The following KIRREL3 variants were observed in gnomAD, a reference collection of about 807,000 sequenced individuals.
KIRREL3 encodes kin of IRRE-like protein 3.
A neutral mutation model predicts 89.7 loss-of-function variants in KIRREL3; 36 were observed. The ratio of observed to expected loss-of-function variants is 0.40; its 90% CI spans 0.31 to 0.53. The LOEUF (loss-of-function observed/expected upper bound fraction) is 0.53. Among genes scored for constraint, KIRREL3 ranks in the 20% least tolerant of loss-of-function variants. KIRREL3 has a pLI of 0.49. For missense variants in KIRREL3, 864 were observed against 1,056.6 expected (o/e 0.82, Z 2.53); for synonymous variants, 445 against 441.4 (o/e 1.01, Z -0.10).
rs542918101 is a variant in KIRREL3, at chr11:126,981,040, C to T, written c.55+19415G>A. The stretch of plus-strand genomic sequence containing the variant: ...AGATGGTATACTTAGATCTCTGTAC[C>T]GTGGACTATCATTATTCAATTTAAA... On this transcript the variant is annotated intron_variant, in intron 1 of 16. Transcript: ENST00000525144. This position sits in a 1 kb window ranked among gnomAD's most constrained non-coding sequence, Gnocchi z 4.2. 3.3e-5 allele frequency among the ~76,000 whole-genome samples: 5 copies of T among 152,236 alleles called. No individual in the cohort carries two copies. In the South Asian group the frequency reaches 6.2e-4, roughly 19 times the overall value.
intron 9 of KIRREL3, among the ~76,000 whole-genome samples, chr11:126,445,405 C>T (rs1030482971): frequency 2.6e-5 from 4 of 152,182 alleles, no homozygotes; most frequent in African/African-American, 7.2e-5. Context: ...GAGGGGGATG[C>T]CTGCCTGGGG....
At chr11:126,510,120 G>A (rs972811126) in intron 4 of KIRREL3, among the ~76,000 whole-genome samples, 4 of 151,924 alleles carry the variant, frequency 2.6e-5, no homozygotes, top group Admixed American at 6.6e-5. Flanking sequence ...TCTGGGCAGA[G>A]CCTGCAACAA....
rs1944662532 is a variant in KIRREL3 at position 126,860,240 on chromosome 11, A to G, written c.55+140215T>C. ...GGGAATATAAAAGATAAGTTCTCCAACACCACACTGTGAGCTCCCAGAGGG... is the reference window on the plus strand; with the variant it reads ...GGGAATATAAAAGATAAGTTCTCCAGCACCACACTGTGAGCTCCCAGAGGG... On this transcript the variant is annotated intron_variant, in intron 1 of 16. Transcript: ENST00000525144. The surrounding 1 kb of genome is among the most constrained non-coding windows in gnomAD (Gnocchi z 4.6). 6.6e-6 allele frequency among the ~76,000 whole-genome samples: 1 copy of G among 152,196 alleles called. No homozygotes were observed. The highest frequency in any genetic ancestry group is 2.4e-5 in the African/African-American group (1 of 41,434).
rs1388116969 is a variant in KIRREL3, at chr11:126,641,833, G to A, written c.56-78921C>T. ...TAAATCCAATTCCATCTAAAACCAC[G>A]TAATACTCACTGAGGTTCCCACCAC... is the stretch of plus-strand genomic sequence containing the variant. On this transcript the variant is annotated intron_variant, in intron 1 of 16. Coordinates refer to ENST00000525144, the MANE Select transcript of KIRREL3 (RefSeq NM_032531.4). This position sits in a 1 kb window ranked among gnomAD's most constrained non-coding sequence, Gnocchi z 5.0. Among the ~76,000 whole-genome samples the A allele has an allele frequency of 1.3e-5, 2 of 152,086 alleles. No individual in the cohort carries two copies. The highest frequency in any genetic ancestry group is 2.1e-4 in the South Asian group (1 of 4,820).
At position 126,747,394 on chromosome 11, in the gene KIRREL3, C is replaced by A. The variant is rs944474966; in HGVS notation, c.56-184482G>T. On this transcript the variant is annotated intron_variant, in intron 1 of 16. Coordinates refer to ENST00000525144, the MANE Select transcript of KIRREL3 (RefSeq NM_032531.4). The surrounding 1 kb of genome is among the most constrained non-coding windows in gnomAD (Gnocchi z 4.7). ...CTAGTACCGTCGTCCCATGCTCTTC[C>A]CCATTATGTCCTCTACACTCCAGTT... is the stretch of plus-strand genomic sequence containing the variant. 3.3e-5 allele frequency among the ~76,000 whole-genome samples: 5 copies of A among 152,220 alleles called. No individual in the cohort carries two copies. Among genetic ancestry groups the A allele is most frequent in the Non-Finnish European group, 4.4e-5 (3 of 68,042 alleles).
chr11:126,477,857 C>T lies in KIRREL3; in HGVS notation c.434-4391G>A, dbSNP rs980603839. On this transcript the variant is annotated intron_variant, in intron 4 of 16. Coordinates refer to ENST00000525144, the MANE Select transcript of KIRREL3 (RefSeq NM_032531.4). This position sits in a 1 kb window ranked among gnomAD's most constrained non-coding sequence, Gnocchi z 4.8. The stretch of plus-strand genomic sequence containing the variant: ...GGGGACCAGCAGCACCACCCTCCTG[C>T]CCCCATACTGCATGGTGGAGAACCT... Among the ~76,000 whole-genome samples, 3 of 152,168 alleles carry T rather than the reference C, an allele frequency of 2.0e-5. No homozygotes were observed. The highest frequency in any genetic ancestry group is 4.4e-5 in the Non-Finnish European group (3 of 68,034).
Position 126,491,659 on chromosome 11 carries a change from G to T in KIRREL3, c.434-18193C>A, listed in dbSNP as rs1957518160. Among the ~76,000 whole-genome samples the T allele has an allele frequency of 6.6e-6, 1 of 152,016 alleles. No homozygotes were observed. The highest frequency in any genetic ancestry group is 1.5e-5 in the Non-Finnish European group (1 of 67,980). ...AAGCAGCCAAGATTACCGTTTCTTT[G>T]TGCTCCCCACACACAGATTTGGATG... On this transcript the variant is annotated intron_variant, in intron 4 of 16. Transcript: ENST00000525144. This position sits in a 1 kb window ranked among gnomAD's most constrained non-coding sequence, Gnocchi z 5.5.
intron 1 of KIRREL3, among the ~76,000 whole-genome samples, chr11:126,826,548 G>A (rs10736558): frequency 0.86 from 131,223 of 151,966 alleles, 56,983 homozygotes; most frequent in East Asian, 1. Context: ...ACTTCCTCTC[G>A]GCCTGCTTTG....
At position 126,473,292 on chromosome 11, in the gene KIRREL3, T is replaced by G; in HGVS notation, c.591+17A>C. 6.6e-5 allele frequency: 22 copies of G among 333,156 alleles called. No homozygotes were observed. The highest frequency in any genetic ancestry group is 2.9e-4 in the East Asian group (2 of 6,966). 20.6% of individuals were successfully genotyped at this position (333,156 alleles called of 1,614,324 possible). On this transcript the variant is annotated intron_variant, in intron 5 of 16. Coordinates refer to ENST00000525144, the MANE Select transcript of KIRREL3 (RefSeq NM_032531.4). ...TTGAAGCCCGTCCACACCCACCCCC[T>G]CCCCTCCAGGCCTCACCTTGGAGTA... is the stretch of plus-strand genomic sequence containing the variant.
intron 1 of KIRREL3, among the ~76,000 whole-genome samples, chr11:126,593,804 C>T (rs1942263685): frequency 6.6e-6 from 1 of 152,114 alleles, no homozygotes. Context: ...GCTGGGAAGC[C>T]AGGTTCTGAG....
At chr11:126,702,297 G>A (rs1322931906) in intron 1 of KIRREL3, among the ~76,000 whole-genome samples, 1 of 152,176 alleles carries the variant, frequency 6.6e-6, no homozygotes, top group African/African-American at 2.4e-5. Context: ...AGGTTGTACT[G>A]AAAAACAAAT....
chr11:126,539,894 G>A (rs552851413), intron 2 of KIRREL3, among the ~76,000 whole-genome samples: 1 of 152,340 alleles, frequency 6.6e-6, no homozygotes, highest in East Asian at 1.9e-4. Flanking sequence ...TCCAAATATG[G>A]AAAGTTATAG....
intron 5 of KIRREL3, among the ~76,000 whole-genome samples, chr11:126,469,771 G>A (rs1956835189): frequency 6.6e-6 from 1 of 152,226 alleles, no homozygotes; most frequent in Non-Finnish European, 1.5e-5. Context: ...CTCTTCCCAT[G>A]CTCATGTCCA....
At chr11:127,002,102 T>G (rs1484379125), upstream of KIRREL3, among the ~76,000 whole-genome samples, 1 of 152,170 alleles carries the variant, frequency 6.6e-6, no homozygotes, top group African/African-American at 2.4e-5. Flanking sequence ...ACTCCAAGTT[T>G]CCATGCGGAT....
At chr11:126,602,485 G>A (rs1942703944) in intron 1 of KIRREL3, among the ~76,000 whole-genome samples, 1 of 152,192 alleles carries the variant, frequency 6.6e-6, no homozygotes, top group Non-Finnish European at 1.5e-5. Context: ...CAACCATCCT[G>A]TGCTGTCATC....
Position 126,561,522 on chromosome 11 carries a change from T to A in KIRREL3, c.133+1313A>T, listed in dbSNP as rs1940121418. On this transcript the variant is annotated intron_variant, in intron 2 of 16. Transcript: ENST00000525144. The surrounding 1 kb of genome is among the most constrained non-coding windows in gnomAD (Gnocchi z 4.5). ...GCTGTCAGTTCCCACAAATTAGAAG[T>A]TACTGCCTAGCAGTCTTGTCAAGGC... is the stretch of plus-strand genomic sequence containing the variant. Among the ~76,000 whole-genome samples the A allele has an allele frequency of 6.6e-6, 1 of 152,182 alleles. No individual in the cohort carries two copies. Among genetic ancestry groups the A allele is most frequent in the Admixed American group, 6.5e-5 (1 of 15,280 alleles).
In KIRREL3 at chr11:126,521,493, C is replaced by A; in HGVS notation, c.284-29G>T. 1 of 1,563,998 alleles carries A rather than the reference C, an allele frequency of 6.4e-7. No individual in the cohort carries two copies. The highest frequency in any genetic ancestry group is 8.7e-7 in the Non-Finnish European group (1 of 1,154,634). ...TGGAGACAACAGGCAGGTCAGGGAG[C>A]TGGGGTGGGGTGGAGGGGACACCCA... On this transcript the variant is annotated intron_variant, in intron 3 of 16. Transcript: ENST00000525144. The surrounding 1 kb of genome is among the most constrained non-coding windows in gnomAD (Gnocchi z 4.1).
upstream of KIRREL3, chr11:127,000,799 C>T (rs1950298784): frequency 4.1e-6 from 2 of 491,396 alleles, no homozygotes; most frequent in Non-Finnish European, 7.1e-6. The surrounding 1 kb of genome is among the most constrained non-coding windows in gnomAD (Gnocchi z 7.1). Flanking sequence ...CACACGGCTT[C>T]CTCAGGCGGG....
Position 126,865,470 on chromosome 11 carries a change from C to T in KIRREL3, c.55+134985G>A, listed in dbSNP as rs141417466. Among the ~76,000 whole-genome samples, 8 of 152,296 alleles carry T rather than the reference C, an allele frequency of 5.3e-5. No homozygotes were observed. The East Asian group carries it at 7.7e-4, about 15-fold the overall frequency. Reference sequence around the variant, plus strand: ...GTATAAGTCAGCAGACTCGGGTTATCGAAGCAACAATGCCCCGGTGCTTGC... The same window carrying T: ...GTATAAGTCAGCAGACTCGGGTTATTGAAGCAACAATGCCCCGGTGCTTGC... On this transcript the variant is annotated intron_variant, in intron 1 of 16. Transcript: ENST00000525144.
Sources: allele counts gnomAD v4.1 joint callset (sites outside exome capture counted in the v4.1 genomes callset), GRCh38; gene constraint gnomAD v4.1.1; non-coding constraint Gnocchi (gnomAD v3.1); transcripts MANE v1.5; gene names NCBI Gene and HGNC (gene_info 2026-07-23, HGNC 2026-07-21).